Variants in VWA8 observed in about 807,000 individuals in gnomAD.
VWA8 encodes von Willebrand factor A domain-containing protein 8.
In VWA8, 221 loss-of-function variants were observed where a neutral mutation model predicts 241.5. The observed-to-expected ratio is 0.91, with a 90% CI of 0.82 to 1.02. VWA8 has a LOEUF of 1.02. Ranked by LOEUF, VWA8 falls within the 50% of genes least tolerant of loss-of-function variation. The pLI, the probability that VWA8 is intolerant of heterozygous loss-of-function variation, is 0.00. For missense variants in VWA8, 2,322 were observed against 2,328.7 expected (o/e 1.00, Z 0.06); for synonymous variants, 852 against 827.1 (o/e 1.03, Z -0.52).
chr13:41,905,299 T>C (rs1204599973), intron 4 of VWA8: 1 of 151,940 alleles, frequency 6.6e-6, no homozygotes, highest in Non-Finnish European at 1.5e-5. Flanking sequence ...AAGAACCTCT[T>C]GGCTACAAGA....
chr13:41,805,842 T>C (rs1474519088), intron 17 of VWA8, among the ~76,000 whole-genome samples: 1 of 151,538 alleles, frequency 6.6e-6, no homozygotes, highest in African/African-American at 2.4e-5. Flanking sequence ...AAAAAAGAAA[T>C]GTTGGACTTA....
intron 21 of VWA8, among the ~76,000 whole-genome samples, chr13:41,733,376 G>C (rs754147306): frequency 4.6e-5 from 7 of 152,136 alleles, no homozygotes; most frequent in South Asian, 2.1e-4. Context: ...ATATCAATCA[G>C]GATTCAAATT....
At chr13:41,684,884 G>C (rs1000720943) in intron 35 of VWA8, among the ~76,000 whole-genome samples, 163 bp downstream of exon 35, 1 of 152,148 alleles carries the variant, frequency 6.6e-6, no homozygotes, top group Non-Finnish European at 1.5e-5. Flanking sequence ...AAATGAGTAA[G>C]AACTTTCTGA....
Position 41,898,971 on chromosome 13 carries a change from C to T in VWA8, c.484-7384G>A, listed in dbSNP as rs1875291013. ...CCCGCTCGCGCCTCTTCCTCCACACCTCCCTGCAAGCTGAGGGAGCCGGCT... is the reference window on the plus strand; with the variant it reads ...CCCGCTCGCGCCTCTTCCTCCACACTTCCCTGCAAGCTGAGGGAGCCGGCT... On this transcript the variant is annotated intron_variant, in intron 4 of 44. Transcript: ENST00000379310. Among the ~76,000 whole-genome samples the T allele has an allele frequency of 2.0e-5, 3 of 152,356 alleles. No individual in the cohort carries two copies. In the East Asian group the frequency reaches 5.8e-4, roughly 29 times the overall value.
At position 41,833,141 on chromosome 13, in the gene VWA8, G is replaced by A. The variant is rs111902909; in HGVS notation, c.1586+230C>T. Reference sequence around the variant, plus strand: ...CTTTCTTTTTGCAGTGCCTACACACGGAATTCTGCTACAGGAGTGGCTTTT... The same window carrying A: ...CTTTCTTTTTGCAGTGCCTACACACAGAATTCTGCTACAGGAGTGGCTTTT... On this transcript the variant is annotated intron_variant, in intron 13 of 44. Coordinates refer to ENST00000379310, the MANE Select transcript of VWA8 (RefSeq NM_015058.2). 1.7e-3 allele frequency among the ~76,000 whole-genome samples: 263 copies of A among 152,090 alleles called. 2 individuals carry two copies. The highest frequency in any genetic ancestry group is 5.8e-3 in the African/African-American group (240 of 41,488).
intron 17 of VWA8, among the ~76,000 whole-genome samples, chr13:41,793,823 T>A (rs975501048): frequency 2.6e-5 from 4 of 152,038 alleles, no homozygotes; most frequent in South Asian, 2.1e-4. Context: ...TCAAAAAAAA[T>A]AAATAAATAA....
chr13:41,741,481 C>T (rs2045568752), intron 21 of VWA8, among the ~76,000 whole-genome samples: 1 of 152,164 alleles, frequency 6.6e-6, no homozygotes, highest in South Asian at 2.1e-4. Context: ...TCACTGTTAT[C>T]CTCCCAGCTG....
chr13:41,954,318 T>C (rs1878267216), intron 1 of VWA8, among the ~76,000 whole-genome samples: 8 of 152,176 alleles, frequency 5.3e-5, no homozygotes. Flanking sequence ...TACCTAGATA[T>C]TCCAGAGACA....
intron 40 of VWA8, among the ~76,000 whole-genome samples, chr13:41,591,421 T>G (rs1201965245): frequency 6.6e-6 from 1 of 152,234 alleles, no homozygotes; most frequent in Non-Finnish European, 1.5e-5. Flanking sequence ...TCAAGGCATA[T>G]GCTTATTACA....
chr13:41,866,391 G>A (rs1009625656), intron 10 of VWA8, among the ~76,000 whole-genome samples: 11 of 147,916 alleles, frequency 7.4e-5, no homozygotes, highest in East Asian at 4.0e-4. Context: ...GTGTGTGTGC[G>A]CGTGTGTGTG....
chr13:41,757,179 T>C (rs767863030), intron 21 of VWA8, among the ~76,000 whole-genome samples: 5 of 151,728 alleles, frequency 3.3e-5, no homozygotes, highest in African/African-American at 1.2e-4. Context: ...CAGGGGAACA[T>C]AGAAGATTGA....
chr13:41,770,753 T>C (rs935964575), intron 20 of VWA8, among the ~76,000 whole-genome samples: 1 of 151,902 alleles, frequency 6.6e-6, no homozygotes, highest in Admixed American at 6.5e-5. Flanking sequence ...TCAGCCAGAA[T>C]TGGCTTTTTA....
chr13:41,818,041 C>A (rs772483521), intron 15 of VWA8, among the ~76,000 whole-genome samples: 28 of 151,660 alleles, frequency 1.8e-4, no homozygotes, highest in Non-Finnish European at 3.2e-4. Flanking sequence ...CGGCTCACTG[C>A]AACCTCCATC....
chr13:41,770,901 C>CAAAA (rs71096541), intron 20 of VWA8, among the ~76,000 whole-genome samples: 5 of 98,382 alleles, frequency 5.1e-5, no homozygotes, highest in African/African-American at 1.6e-4. Flanking sequence ...CTTAAAATGA[C>CAAAA]AAAAAAAAAA....
intron 12 of VWA8, among the ~76,000 whole-genome samples, chr13:41,864,989 CAAAAAAAAAA>C (rs35515775): frequency 2.7e-5 from 2 of 75,084 alleles, no homozygotes; most frequent in East Asian, 7.6e-4. Context: ...AACTCCATCT[CAAAAAAAAAA>C]AAAAAAAAAA....
intron 24 of VWA8, among the ~76,000 whole-genome samples, chr13:41,722,337 A>G (rs2045399475): frequency 1.3e-5 from 2 of 152,200 alleles, no homozygotes; most frequent in Non-Finnish European, 1.5e-5. Flanking sequence ...TTGATTCATA[A>G]TCTAAGAGAC....
chr13:41,875,169 G>A (rs1030613800), intron 9 of VWA8, among the ~76,000 whole-genome samples: 1 of 152,038 alleles, frequency 6.6e-6, no homozygotes, highest in African/African-American at 2.4e-5. Flanking sequence ...CACTGTTTCA[G>A]TAGAAAGGAC....
intron 37 of VWA8, among the ~76,000 whole-genome samples, chr13:41,646,365 C>T (rs1031609902): frequency 2.0e-5 from 3 of 152,160 alleles, no homozygotes; most frequent in African/African-American, 2.4e-5. Flanking sequence ...TGATGAGTGA[C>T]GACCACGTGC....
chr13:41,896,955 A>G (rs533780736), intron 4 of VWA8, among the ~76,000 whole-genome samples: 6 of 152,344 alleles, frequency 3.9e-5, no homozygotes, highest in African/African-American at 1.4e-4. Context: ...CCAGTCATCA[A>G]AACACTGTTT....
Sources: allele counts gnomAD v4.1 joint callset (sites outside exome capture counted in the v4.1 genomes callset), GRCh38; gene constraint gnomAD v4.1.1; transcripts MANE v1.5; gene names NCBI Gene and HGNC (gene_info 2026-07-23, HGNC 2026-07-21).